The following STEAP2 variants were observed in gnomAD, a reference collection of about 807,000 sequenced individuals.
The protein encoded by STEAP2 is metalloreductase STEAP2.
In STEAP2, 30 loss-of-function variants were observed where a neutral mutation model predicts 46.4. That is an observed-to-expected ratio of 0.65 (90% CI 0.48 to 0.88). The LOEUF (loss-of-function observed/expected upper bound fraction) is 0.88. Among genes scored for constraint, STEAP2 ranks in the 40% least tolerant of loss-of-function variants. The pLI is 0.00. For missense variants in STEAP2, 513 were observed against 579.3 expected (o/e 0.89, Z 1.18); for synonymous variants, 180 against 200.5 (o/e 0.90, Z 0.86).
At chr7:90,226,561 A>G (rs1795496735) in intron 3 of STEAP2, among the ~76,000 whole-genome samples, 1 of 152,214 alleles carries the variant, frequency 6.6e-6, no homozygotes, top group Non-Finnish European at 1.5e-5. Flanking sequence ...AAGATTAATA[A>G]TCCAAAGAGT....
chr7:90,224,757 C>T (rs140808601), intron 2 of STEAP2, among the ~76,000 whole-genome samples: 2 of 152,158 alleles, frequency 1.3e-5, no homozygotes, highest in East Asian at 1.9e-4. Context: ...TACATTTTAA[C>T]GAGATTCCGA....
At position 90,236,688 on chromosome 7, in the gene STEAP2, G is replaced by A. The variant is rs1023016529; in HGVS notation, c.*4064G>A. 9 of 1,313,458 alleles carry A rather than the reference G, an allele frequency of 6.9e-6. No individual in the cohort carries two copies. The highest frequency in any genetic ancestry group is 8.7e-6 in the Non-Finnish European group (9 of 1,034,212). 81.4% of individuals were successfully genotyped at this position (1,313,458 alleles called of 1,614,324 possible). A position where few individuals can be genotyped will look rare whatever the true frequency, so the allele number is the denominator to read the frequency against. On this transcript the variant is annotated 3_prime_UTR_variant, in exon 6 of 6. Transcript: ENST00000394621. ...TTCTTTCCATATGTTACTAAAAAAT[G>A]TTTTGTTCAGCCTAACATACTGAGT...
chr7:90,231,335 A>AATTTT (rs544620727), intron 5 of STEAP2, among the ~76,000 whole-genome samples: 297 of 151,788 alleles, frequency 2.0e-3, no homozygotes, highest in African/African-American at 6.9e-3. Flanking sequence ...ATGCTCATTT[A>AATTTT]ATTTTAATTT....
At chr7:90,226,353 G>A (rs111702589) in intron 3 of STEAP2, among the ~76,000 whole-genome samples, 61 of 152,026 alleles carry the variant, frequency 4.0e-4, no homozygotes, top group African/African-American at 9.6e-4. Flanking sequence ...TTATTATACC[G>A]TATTATAATT....
Position 90,225,172 on chromosome 7 carries a change from G to A in STEAP2, c.90G>A (p.Lys30=). Reference sequence around the variant, plus strand: ...TAAATGGTATCAAAGATGCAAGGAAGGTCACTGTAGGTGTGATTGGAAGTG... The same window carrying A: ...TAAATGGTATCAAAGATGCAAGGAAAGTCACTGTAGGTGTGATTGGAAGTG... ...NGINGIKDAR[K]VTVGVIGSGD... Residue 30 remains lysine, a synonymous_variant, in exon 3 of 6, where the codon AAG becomes AAA. Transcript: ENST00000394621. 1 of 1,613,934 alleles carries A rather than the reference G, an allele frequency of 6.2e-7. No homozygotes were observed. Among genetic ancestry groups the A allele is most frequent in the South Asian group, 1.1e-5 (1 of 91,074 alleles).
In STEAP2 at chr7:90,234,997, A is replaced by G. The variant is rs774486221; in HGVS notation, c.*2373A>G. The G allele has an allele frequency of 3.7e-5, 36 of 968,962 alleles. No individual in the cohort carries two copies. Among genetic ancestry groups the G allele is most frequent in the Non-Finnish European group, 4.0e-5 (33 of 814,934 alleles). The allele number at this position is 968,962 out of a possible 1,614,324, so 60.0% of individuals were successfully genotyped here. On this transcript the variant is annotated 3_prime_UTR_variant, in exon 6 of 6. Coordinates refer to ENST00000394621, the MANE Select transcript of STEAP2 (RefSeq NM_001244944.2). ...GGGCAAAAACATTCTATTATAGTGA[A>G]CTAATGAAAATAACAGCGTATTTTC...
intron 5 of STEAP2, among the ~76,000 whole-genome samples, chr7:90,232,101 T>C (rs1004639839): frequency 6.6e-6 from 1 of 151,994 alleles, no homozygotes; most frequent in African/African-American, 2.4e-5. Flanking sequence ...TATTAAACTG[T>C]ATGCAGTAGG....
intron 2 of STEAP2, among the ~76,000 whole-genome samples, chr7:90,219,852 G>T (rs17863957): frequency 6.6e-6 from 1 of 152,038 alleles, no homozygotes; most frequent in Non-Finnish European, 1.5e-5. Context: ...CTCAGCTCCC[G>T]AGTACTAGGA....
intron 2 of STEAP2, among the ~76,000 whole-genome samples, chr7:90,217,889 T>C (rs1386588827): frequency 3.3e-5 from 5 of 152,102 alleles, no homozygotes; most frequent in Non-Finnish European, 7.4e-5. Flanking sequence ...TTTCCACCAA[T>C]AACATATAAG....
chr7:90,227,488 C>A lies in STEAP2; in HGVS notation c.1010C>A (p.Ala337Asp). 1 of 1,579,122 alleles carries A rather than the reference C, an allele frequency of 6.3e-7. No individual in the cohort carries two copies. Among genetic ancestry groups the A allele is most frequent in the Non-Finnish European group, 8.6e-7 (1 of 1,157,222 alleles). ...GAGAGATATTTGTTTCTCAACATGG[C>A]TTATCAGCAGGTACTGAATGTGCTT... ...RSERYLFLNM[A>D]YQQVHANIEN... is the part of the protein sequence containing the mutation. The change falls in exon 4 of 6, where the codon GCT becomes GAT. Residue 337 changes from alanine to aspartate, a missense_variant. Coordinates refer to ENST00000394621, the MANE Select transcript of STEAP2 (RefSeq NM_001244944.2).
chr7:90,224,071 C>A (rs1464091452), intron 2 of STEAP2, among the ~76,000 whole-genome samples: 2 of 152,206 alleles, frequency 1.3e-5, no homozygotes, highest in Non-Finnish European at 2.9e-5. Context: ...TGATTTGCTG[C>A]CTCTGATCTG....
In STEAP2 at chr7:90,234,785, C is replaced by T. The variant is rs1378354240; in HGVS notation, c.*2161C>T. ...AGCCAGGATGGTCTCGATCTCCTGA[C>T]CTCGTGATCCGCCCGCCTTGGCCTC... On this transcript the variant is annotated 3_prime_UTR_variant, in exon 6 of 6. Coordinates refer to ENST00000394621, the MANE Select transcript of STEAP2 (RefSeq NM_001244944.2). 2.9e-5 allele frequency: 21 copies of T among 721,796 alleles called. No homozygotes were observed. Among genetic ancestry groups the T allele is most frequent in the Non-Finnish European group, 3.4e-5 (20 of 589,812 alleles). The allele number at this position is 721,796 out of a possible 1,614,324, so 44.7% of individuals were successfully genotyped here.
chr7:90,232,408 T>C lies in STEAP2; in HGVS notation c.1257T>C (p.Phe419=), dbSNP rs960600859. ...TAATTTATGGATGGAAACGAGCTTT[T>C]GAGGAAGAGTACTACAGATTTTATA... ...HVLIYGWKRA[F]EEEYYRFYTP... is the part of the protein sequence containing the mutation. The change falls in exon 6 of 6, where the codon TTT becomes TTC. Residue 419 remains phenylalanine (F), a synonymous_variant. Transcript: ENST00000394621. 1 of 1,613,446 alleles carries C rather than the reference T, an allele frequency of 6.2e-7. No homozygotes were observed. The highest frequency in any genetic ancestry group is 8.5e-7 in the Non-Finnish European group (1 of 1,179,620).
chr7:90,236,873 T>C lies in STEAP2; in HGVS notation c.*4249T>C. 8 of 1,613,726 alleles carry C rather than the reference T, an allele frequency of 5.0e-6. No individual in the cohort carries two copies. Among genetic ancestry groups the C allele is most frequent in the Non-Finnish European group, 6.8e-6 (8 of 1,179,856 alleles). On this transcript the variant is annotated 3_prime_UTR_variant, in exon 6 of 6. Coordinates refer to ENST00000394621, the MANE Select transcript of STEAP2 (RefSeq NM_001244944.2). ...TTGCCAACTTTAAGGAAATATTCTCTTGAAATTGTCTTTAAAGATCTTTTG... is the reference window on the plus strand; with the variant it reads ...TTGCCAACTTTAAGGAAATATTCTCCTGAAATTGTCTTTAAAGATCTTTTG...
At chr7:90,238,442 A>T (rs748511293), downstream of STEAP2, among the ~76,000 whole-genome samples, 1 of 152,208 alleles carries the variant, frequency 6.6e-6, no homozygotes, top group Non-Finnish European at 1.5e-5. Context: ...GTGAACTTTG[A>T]TCAAGGAGGT....
At chr7:90,214,137 G>A (rs577136189) in intron 1 of STEAP2, among the ~76,000 whole-genome samples, 11 of 152,340 alleles carry the variant, frequency 7.2e-5, no homozygotes, top group African/African-American at 2.6e-4. Context: ...TGTTTGCAGA[G>A]TTCAGGTGAG....
At chr7:90,224,931 T>C in intron 2 of STEAP2, 119 bp from the exon 3 acceptor site, 1 of 768,600 alleles carries the variant, frequency 1.3e-6, no homozygotes, top group East Asian at 2.6e-5. Flanking sequence ...CTTACTGTGC[T>C]GTATGTTAAA....
chr7:90,242,863 G>T (rs1434582034), downstream of STEAP2, among the ~76,000 whole-genome samples: 1 of 152,090 alleles, frequency 6.6e-6, no homozygotes, highest in Non-Finnish European at 1.5e-5. Flanking sequence ...CTGTAGAGAT[G>T]AAAGAAAAAC....
chr7:90,238,714 GTTGT>G (rs577613611), downstream of STEAP2, among the ~76,000 whole-genome samples: 401 of 152,284 alleles, frequency 2.6e-3, no homozygotes, highest in African/African-American at 9.3e-3. Context: ...GAGTGTTGGT[GTTGT>G]TTGTTTATGG....
Sources: gnomAD v4.1 joint callset for allele counts (sites outside exome capture counted in the v4.1 genomes callset) on GRCh38, gnomAD v4.1.1 for gene constraint, MANE v1.5 for transcripts, NCBI Gene and HGNC (gene_info 2026-07-23, HGNC 2026-07-21) for gene names.